NOL11: variants seen among roughly 807,000 people sequenced by gnomAD.
NOL11 encodes nucleolar protein 11.
In NOL11, 42 loss-of-function variants were observed where a neutral mutation model predicts 93.0. The observed-to-expected ratio is 0.45, with a 90% confidence interval of 0.35 to 0.58. The LOEUF (loss-of-function observed/expected upper bound fraction) is 0.58, where lower values mean the gene tolerates loss of function less well. NOL11 is among the 20% of genes least tolerant of loss of function. The pLI, the probability that NOL11 is intolerant of heterozygous loss-of-function variation, is 0.00. For synonymous variants in NOL11, 296 were observed against 293.7 expected (o/e 1.01, Z -0.08); for missense variants, 775 against 841.8 (o/e 0.92, Z 0.98).
chr17:67,735,002 A>G (rs2055188313), intron 8 of NOL11, among the ~76,000 whole-genome samples: 1 of 152,146 alleles, frequency 6.6e-6, no homozygotes, highest in African/African-American at 2.4e-5. Context: ...TTGTCTTTTT[A>G]CTTATGTATT....
At chr17:67,742,731 T>C (rs2055267644) in intron 16 of NOL11, among the ~76,000 whole-genome samples, 1 of 152,172 alleles carries the variant, frequency 6.6e-6, no homozygotes, top group African/African-American at 2.4e-5. Flanking sequence ...TCCCGGTTGC[T>C]TTGATATTTG....
intron 3 of NOL11, 86 bp from the exon 4 acceptor site, chr17:67,721,292 A>G: frequency 1.3e-6 from 1 of 774,244 alleles, no homozygotes; most frequent in Non-Finnish European, 1.9e-6. Flanking sequence ...TAAAGCAGTC[A>G]CTTAAAAAGA....
At chr17:67,722,491 A>T in intron 4 of NOL11, 89 bp from the exon 5 acceptor site, 2 of 1,480,308 alleles carry the variant, frequency 1.4e-6, no homozygotes, top group Non-Finnish European at 1.8e-6. Context: ...AAAATATTTA[A>T]TGAAAACTTT....
In NOL11 at chr17:67,737,501, C is replaced by G. The variant is rs373218884; in HGVS notation, c.1219-7C>G. On this transcript the variant is annotated splice_polypyrimidine_tract_variant and splice_region_variant and intron_variant, in intron 11 of 17. Coordinates refer to ENST00000253247, the MANE Select transcript of NOL11 (RefSeq NM_015462.5). The stretch of plus-strand genomic sequence containing the variant: ...CCAAACTGAATTCTTTAATTCTGCG[C>G]TTTCAGAAAGATTCAGAAAAACACA... 2.7e-5 allele frequency: 43 copies of G among 1,594,880 alleles called. No individual in the cohort carries two copies. In the Middle Eastern group the frequency reaches 5.0e-4, roughly 19 times the overall value.
chr17:67,742,626 A>G (rs905741871), intron 16 of NOL11, among the ~76,000 whole-genome samples: 11 of 152,072 alleles, frequency 7.2e-5, no homozygotes, highest in African/African-American at 2.7e-4. Context: ...ACATGGTTTT[A>G]TTTCTTGTGT....
In NOL11 at chr17:67,719,695, G is replaced by A. The variant is rs2043202874; in HGVS notation, c.163G>A (p.Gly55Arg). The A allele has an allele frequency of 6.2e-7, 1 of 1,600,846 alleles. No homozygotes were observed. Among genetic ancestry groups the A allele is most frequent in the African/African-American group, 1.3e-5 (1 of 74,488 alleles). ...LYKVSDQKPLGSWSVKQGQII... is the reference protein window; with the variant it reads ...LYKVSDQKPLRSWSVKQGQII... ...TTAGGTTTCTGATCAGAAACCCTTGGGGAGCTGGTCAGTGAAACAAGGTCA... is the reference window on the plus strand; with the variant it reads ...TTAGGTTTCTGATCAGAAACCCTTGAGGAGCTGGTCAGTGAAACAAGGTCA... The change falls in exon 2 of 18, where the codon GGG (glycine) becomes AGG (arginine). Residue 55 changes from glycine to arginine, a missense_variant. By Grantham distance (125) the Gly-to-Arg change is moderately radical (BLOSUM62 -2). Transcript: ENST00000253247.
rs536099575 is a variant in NOL11, at chr17:67,729,671, C to T, written c.853+3023C>T. 4.1e-3 allele frequency among the ~76,000 whole-genome samples: 620 copies of T among 152,216 alleles called. 3 individuals are homozygous for T. Among genetic ancestry groups the T allele is most frequent in the African/African-American group, 0.014 (591 of 41,530 alleles). ...TCGGCTCACTGCAAGCTCCGCCCCC[C>T]GGGTTCATGCCATTCCCCTGACTCA... On this transcript the variant is annotated intron_variant, in intron 7 of 17. Coordinates refer to ENST00000253247, the MANE Select transcript of NOL11 (RefSeq NM_015462.5).
At chr17:67,743,715 A>G in intron 17 of NOL11, 28 bp from the exon 18 acceptor site, 1 of 1,342,628 alleles carries the variant, frequency 7.4e-7, no homozygotes, top group South Asian at 1.4e-5. Context: ...CATTATGGTA[A>G]AAGTTACTCT....
chr17:67,723,002 A>G (rs1488937696), intron 5 of NOL11, among the ~76,000 whole-genome samples: 1 of 121,128 alleles, frequency 8.3e-6, no homozygotes, highest in Non-Finnish European at 1.7e-5. Context: ...TGAAATTTCA[A>G]AACTTTTTTT....
Position 67,738,113 on chromosome 17 carries a change from C to A in NOL11, c.1530-9C>A, listed in dbSNP as rs201777831. The A allele has an allele frequency of 8.3e-5, 132 of 1,589,408 alleles. 1 individual carries two copies. The East Asian group carries it at 2.9e-3, about 35-fold the overall frequency. On this transcript the variant is annotated splice_polypyrimidine_tract_variant and intron_variant, in intron 13 of 17. Coordinates refer to ENST00000253247, the MANE Select transcript of NOL11 (RefSeq NM_015462.5). ...AGGATTAACCTCTTGCTTTCAACTA[C>A]CATCATAGCATTGGTGATGACAGTC...
chr17:67,737,416 G>A (rs1293396217), intron 11 of NOL11, 92 bp from the exon 12 acceptor site: 3 of 1,068,242 alleles, frequency 2.8e-6, no homozygotes, highest in Non-Finnish European at 4.1e-6. Flanking sequence ...ATAACTGTTA[G>A]TCATTTGAGA....
rs137950264 is a variant in NOL11 at position 67,737,988 on chromosome 17, A to G, written c.1529+16A>G. ...TTTTCTTGAGGTAAGTTAGACTCCA[A>G]TGGTCCTTTTTCTTCACTACATTTA... is the stretch of plus-strand genomic sequence containing the variant. On this transcript the variant is annotated intron_variant, in intron 13 of 17. Transcript: ENST00000253247. 198 of 1,591,810 alleles carry G rather than the reference A, an allele frequency of 1.2e-4. 1 individual carries two copies. The highest frequency in any genetic ancestry group is 1.2e-3 in the African/African-American group (87 of 73,378).
Position 67,737,938 on chromosome 17 carries a change from T to A in NOL11, c.1495T>A (p.Ser499Thr), listed in dbSNP as rs764690858. 4.4e-5 allele frequency: 71 copies of A among 1,613,114 alleles called. No homozygotes were observed. The highest frequency in any genetic ancestry group is 5.8e-5 in the Non-Finnish European group (68 of 1,179,808). The change falls in exon 13 of 18, where the codon TCA becomes ACA. Residue 499 changes from serine (S) to threonine (T), a missense_variant. This residue lies in a region of NOL11 where 416 missense variants were observed against 525.2 expected (regional missense o/e 0.79). Transcript: ENST00000253247. ...CLQQFPDIPE[S>T]VTCACLKIFL... ...ACAGCAGTTCCCTGACATTCCTGAA[T>A]CAGTCACCTGTGCTTGCTTAAAAAT... is the stretch of plus-strand genomic sequence containing the variant.
intron 1 of NOL11, among the ~76,000 whole-genome samples, chr17:67,718,319 TA>T (rs1420687116): frequency 6.6e-6 from 1 of 152,188 alleles, no homozygotes; most frequent in Non-Finnish European, 1.5e-5. Flanking sequence ...GCACGTGGGT[TA>T]GACTCGGAAA....
chr17:67,737,266 T>C, intron 11 of NOL11, 121 bp downstream of exon 11: 1 of 724,226 alleles, frequency 1.4e-6, no homozygotes, highest in Non-Finnish European at 2.4e-6. Flanking sequence ...CATCTTGTAG[T>C]ATCTTAAGGG....
At chr17:67,721,336 A>AT in intron 3 of NOL11, 42 bp from the exon 4 acceptor site, 5 of 1,297,086 alleles carry the variant, frequency 3.9e-6, no homozygotes, top group Non-Finnish European at 5.2e-6. Context: ...TTAGGTATAA[A>AT]TTGTTTTAGA....
rs2055198092 is a variant in NOL11 at position 67,735,958 on chromosome 17, C to T, written c.989C>T (p.Pro330Leu). Reference protein sequence around the residue: ...MLHGKSLTVIPYKCEVSSLAG... With the variant: ...MLHGKSLTVILYKCEVSSLAG... The stretch of plus-strand genomic sequence containing the variant: ...CATGGAAAATCTCTAACTGTGATTC[C>T]ATACAAGTGTGAAGTGTCATCATTA... Residue 330 changes from proline to leucine, a missense_variant, in exon 9 of 18, where the codon CCA (proline) becomes CTA (leucine). This residue lies in a region of NOL11 where 416 missense variants were observed against 525.2 expected (regional missense o/e 0.79). Transcript: ENST00000253247. 6.2e-7 allele frequency: 1 copy of T among 1,611,376 alleles called. No individual in the cohort carries two copies. The highest frequency in any genetic ancestry group is 1.3e-5 in the African/African-American group (1 of 74,776).
intron 7 of NOL11, among the ~76,000 whole-genome samples, chr17:67,727,494 T>G (rs2074991620): frequency 6.6e-6 from 1 of 151,992 alleles, no homozygotes. Context: ...CCCGTCTCTA[T>G]TAAAAATACA....
chr17:67,727,918 C>CA (rs57241605), intron 7 of NOL11, among the ~76,000 whole-genome samples: 60 of 112,532 alleles, frequency 5.3e-4, no homozygotes, highest in Admixed American at 8.3e-4. Context: ...GACTTTGTCT[C>CA]AAAAAAAAAA....
Sources: allele counts gnomAD v4.1 joint callset (sites outside exome capture counted in the v4.1 genomes callset), GRCh38; gene constraint gnomAD v4.1.1; regional missense constraint gnomAD v4.1.1; transcripts MANE v1.5; gene names NCBI Gene and HGNC (gene_info 2026-07-23, HGNC 2026-07-21).